Variants in WSB2 observed in about 807,000 individuals in gnomAD.
WSB2 encodes the protein WD repeat and SOCS box containing 2.
Under a neutral mutation model 48.8 loss-of-function variants are expected in WSB2, and 12 were observed. That is an observed-to-expected ratio of 0.25 (90% CI 0.16 to 0.40). The LOEUF (loss-of-function observed/expected upper bound fraction) is 0.40, where lower values mean the gene tolerates loss of function less well. Ranked by LOEUF, WSB2 falls within the 10% of genes least tolerant of loss-of-function variation. The pLI is 1.00. For synonymous variants in WSB2, 191 were observed against 203.1 expected (o/e 0.94, Z 0.51); for missense variants, 317 against 506.2 (o/e 0.63, Z 3.59).
At chr12:118,062,012 AG>A, upstream of WSB2, 1 of 1,268,086 alleles carries the variant, frequency 7.9e-7, no homozygotes, top group East Asian at 2.7e-5. Flanking sequence ...TGGGGAGAGG[AG>A]GGCAGGGTGA....
rs77294308 is a variant in WSB2 at position 118,059,356 on chromosome 12, G to A, written c.13+1680C>T. ...TACTTGAACATTTTAAATTACATAC[G>A]TGGCTCACATTAGACTTCTGTTGGT... On this transcript the variant is annotated intron_variant, in intron 1 of 8. Coordinates refer to ENST00000315436, the MANE Select transcript of WSB2 (RefSeq NM_018639.5). Among the ~76,000 whole-genome samples, 1,161 of 151,726 alleles carry A rather than the reference G, an allele frequency of 7.7e-3. 14 individuals carry two copies. The highest frequency in any genetic ancestry group is 0.026 in the African/African-American group (1,061 of 41,344).
intron 8 of WSB2, chr12:118,034,593 C>CTT (rs57272444): frequency 3.7e-6 from 2 of 541,740 alleles, no homozygotes; most frequent in East Asian, 6.0e-5. Context: ...GTCTCTCTCT[C>CTT]GGCACAGCCC....
At position 118,035,100 on chromosome 12, in the gene WSB2, G is replaced by T. The variant is rs780105270; in HGVS notation, c.945-7C>A. On this transcript the variant is annotated splice_polypyrimidine_tract_variant and splice_region_variant and intron_variant, in intron 7 of 8. Transcript: ENST00000315436. ...GGCCCAGATCCTGAGGAGTCTGGAT[G>T]GGGAGAGAGAACATCTGGATATTAG... 3 of 1,613,750 alleles carry T rather than the reference G, an allele frequency of 1.9e-6. No individual in the cohort carries two copies. Among genetic ancestry groups the T allele is most frequent in the Admixed American group, 1.7e-5 (1 of 60,018 alleles).
rs1235240240 is a variant in WSB2, at chr12:118,061,137, C to G, written c.-89G>C. The G allele has an allele frequency of 2.0e-6, 2 of 981,456 alleles. No homozygotes were observed. Among genetic ancestry groups the G allele is most frequent in the Non-Finnish European group, 1.2e-6 (1 of 828,390 alleles). The allele number at this position is 981,456 out of a possible 1,614,324, so 60.8% of individuals were successfully genotyped here. On this transcript the variant is annotated 5_prime_UTR_variant, in exon 1 of 9. Transcript: ENST00000315436. ...CATGCCGCCCCCGCGCCGCCCGCCC[C>G]GGCCAGGCCGCCGCCGCCGCCCGGA...
In WSB2 at chr12:118,060,967, T is replaced by G. The variant is rs1419963268; in HGVS notation, c.13+69A>C. 6 of 380,922 alleles carry G rather than the reference T, an allele frequency of 1.6e-5. No homozygotes were observed. Among genetic ancestry groups the G allele is most frequent in the African/African-American group, 2.5e-5 (1 of 39,408 alleles). 23.6% of individuals were successfully genotyped at this position (380,922 alleles called of 1,614,324 possible). On this transcript the variant is annotated intron_variant, in intron 1 of 8. Coordinates refer to ENST00000315436, the MANE Select transcript of WSB2 (RefSeq NM_018639.5). The surrounding 1 kb of genome is among the most constrained non-coding windows in gnomAD (Gnocchi z 4.1). ...CCGCCCAGCCCGCCCCGGGGTCGCC[T>G]CCCCCCTCCCCGGGGAGAACGGGCC...
At chr12:118,038,083 C>T in intron 5 of WSB2, 1 of 442,544 alleles carries the variant, frequency 2.3e-6, no homozygotes, top group Non-Finnish European at 4.0e-6. Flanking sequence ...ATGACAGGAG[C>T]AACCTGTTTC....
chr12:118,033,853 G>A lies in WSB2; in HGVS notation c.*343C>T. ...GCTGCTCTGCCACTAGAGAGGCTCT[G>A]GAGGCCTACTTAGTTGCATAATCAA... On this transcript the variant is annotated 3_prime_UTR_variant, in exon 9 of 9. Transcript: ENST00000315436. 3.5e-6 allele frequency: 1 copy of A among 283,718 alleles called. No individual in the cohort carries two copies. Among genetic ancestry groups the A allele is most frequent in the Non-Finnish European group, 6.9e-6 (1 of 145,880 alleles). The allele number at this position is 283,718 out of a possible 1,614,324, so 17.6% of individuals were successfully genotyped here. A position where few individuals can be genotyped will look rare whatever the true frequency, so the allele number is the denominator to read the frequency against.
chr12:118,053,449 C>T (rs1363814784), intron 1 of WSB2, among the ~76,000 whole-genome samples: 7 of 152,186 alleles, frequency 4.6e-5, no homozygotes, highest in Non-Finnish European at 8.8e-5. Flanking sequence ...ACTATCAAAA[C>T]GGAAATAAGT....
upstream of WSB2, among the ~76,000 whole-genome samples, chr12:118,061,824 TG>T (rs148182603): frequency 0.22 from 13,482 of 60,208 alleles, 862 homozygotes; most frequent in Admixed American, 0.32. Flanking sequence ...AGAAGAAACC[TG>T]GGGAGAGCTG....
chr12:118,039,797 G>A (rs2031591092), intron 4 of WSB2, among the ~76,000 whole-genome samples: 1 of 151,424 alleles, frequency 6.6e-6, no homozygotes, highest in South Asian at 2.1e-4. Flanking sequence ...AGGTGGGAGT[G>A]CAATGGCATG....
chr12:118,044,216 A>T (rs1447379063), intron 2 of WSB2, among the ~76,000 whole-genome samples: 1 of 152,184 alleles, frequency 6.6e-6, no homozygotes. Context: ...TTGTGGGATA[A>T]CTAAATAACA....
chr12:118,062,142 G>C (rs1180078263), upstream of WSB2: 4 of 1,535,288 alleles, frequency 2.6e-6, no homozygotes, highest in African/African-American at 2.7e-5. Flanking sequence ...TGAGAAACCT[G>C]CTCTCCCTGT....
At position 118,034,179 on chromosome 12, in the gene WSB2, A is replaced by G. The variant is rs1593460246; in HGVS notation, c.*17T>C. ...ACGATTTACCCTGCTACAAAGAAGC[A>G]CAAGATGTGGTGTTGCTTAAAAAGT... On this transcript the variant is annotated 3_prime_UTR_variant, in exon 9 of 9. Coordinates refer to ENST00000315436, the MANE Select transcript of WSB2 (RefSeq NM_018639.5). The G allele has an allele frequency of 6.2e-7, 1 of 1,613,992 alleles. No homozygotes were observed. Among genetic ancestry groups the G allele is most frequent in the Non-Finnish European group, 8.5e-7 (1 of 1,179,892 alleles).
rs181037480 is a variant in WSB2 at position 118,043,435 on chromosome 12, T to C, written c.183-58A>G. ...CAATTGTTACCAGTCTATCAACTTT[T>C]CATCCTGGGACACGTAAGACTTTTG... is the stretch of plus-strand genomic sequence containing the variant. On this transcript the variant is annotated intron_variant, in intron 2 of 8. Coordinates refer to ENST00000315436, the MANE Select transcript of WSB2 (RefSeq NM_018639.5). 4.6e-4 allele frequency: 694 copies of C among 1,510,252 alleles called. 1 individual carries two copies. Among genetic ancestry groups the C allele is most frequent in the Admixed American group, 6.1e-4 (27 of 44,322 alleles). The allele number at this position is 1,510,252 out of a possible 1,614,324, so 93.6% of individuals were successfully genotyped here.
intron 4 of WSB2, among the ~76,000 whole-genome samples, chr12:118,038,606 G>A (rs1390738853): frequency 6.6e-6 from 1 of 152,062 alleles, no homozygotes. Flanking sequence ...AATTCCCCAC[G>A]GAAACCAGTA....
At position 118,034,343 on chromosome 12, in the gene WSB2, G is replaced by A. The variant is rs145093422; in HGVS notation, c.1068C>T (p.His356=). Reference sequence around the variant, plus strand: ...CCCTAGGAGCTGTCCAGAACTGGACGTGGCCATCTCTTGTCCTAAAATGAA... The same window carrying A: ...CCCTAGGAGCTGTCCAGAACTGGACATGGCCATCTCTTGTCCTAAAATGAA... ...GVIATGTRDG[H]VQFWTAPRVL... is the part of the protein sequence containing the mutation. The change falls in exon 9 of 9, where the codon CAC becomes CAT. Residue 356 remains histidine (H), a synonymous_variant. Coordinates refer to ENST00000315436, the MANE Select transcript of WSB2 (RefSeq NM_018639.5). 7.5e-5 allele frequency: 121 copies of A among 1,613,886 alleles called. No homozygotes were observed. The highest frequency in any genetic ancestry group is 1.6e-4 in the Middle Eastern group (1 of 6,084).
chr12:118,062,083 C>T, upstream of WSB2: 1 of 1,534,688 alleles, frequency 6.5e-7, no homozygotes, highest in Non-Finnish European at 8.7e-7. Context: ...CGGAAGAAGA[C>T]TGTCCCCTTA....
At chr12:118,039,957 G>C (rs1326922516) in intron 4 of WSB2, among the ~76,000 whole-genome samples, 1 of 151,954 alleles carries the variant, frequency 6.6e-6, no homozygotes, top group African/African-American at 2.4e-5. Flanking sequence ...TGTTGGCTAG[G>C]CTGGTCTCGA....
chr12:118,034,104 A>G lies in WSB2; in HGVS notation c.*92T>C, dbSNP rs959679291. 1.7e-5 allele frequency: 26 copies of G among 1,517,450 alleles called. No individual in the cohort carries two copies. Among genetic ancestry groups the G allele is most frequent in the African/African-American group, 4.1e-5 (3 of 72,736 alleles). The allele number at this position is 1,517,450 out of a possible 1,614,324, so 94.0% of individuals were successfully genotyped here. A position where few individuals can be genotyped will look rare whatever the true frequency, so the allele number is the denominator to read the frequency against. ...ACAATCCCAAAGAAATGCTATTTCA[A>G]TGCAAGACCAGATGTTTGGCCCATT... On this transcript the variant is annotated 3_prime_UTR_variant, in exon 9 of 9. Transcript: ENST00000315436.
Sources: allele counts gnomAD v4.1 joint callset (sites outside exome capture counted in the v4.1 genomes callset), GRCh38; gene constraint gnomAD v4.1.1; non-coding constraint Gnocchi (gnomAD v3.1); transcripts MANE v1.5; gene names NCBI Gene and HGNC (gene_info 2026-07-23, HGNC 2026-07-21).